ZNF292: variants seen among roughly 807,000 people sequenced by gnomAD.
ZNF292 encodes the protein 16 zinc-finger domain protein.
A neutral mutation model predicts 217.9 loss-of-function variants in ZNF292; 26 were observed. That is an observed-to-expected ratio of 0.12 (90% CI 0.09 to 0.17). ZNF292 has a LOEUF of 0.17. ZNF292 is among the 10% of genes least tolerant of loss of function. ZNF292 has a pLI of 1.00. For synonymous variants in ZNF292, 1,257 were observed against 1,124.1 expected (o/e 1.12, Z -2.37); for missense variants, 2,904 against 3,175.2 (o/e 0.91, Z 2.05).
At position 87,260,597 on chromosome 6, in the gene ZNF292, G is replaced by A. The variant is rs757019951; in HGVS notation, c.6968G>A (p.Cys2323Tyr). The A allele has an allele frequency of 5.0e-6, 8 of 1,612,970 alleles. No homozygotes were observed. In the South Asian group the frequency reaches 7.7e-5, roughly 16 times the overall value. ...CATCGGGGGACCAAGCACAGCAGATGTGGAAAGGAAGGAATAAAAATGCCC... is the reference window on the plus strand; with the variant it reads ...CATCGGGGGACCAAGCACAGCAGATATGGAAAGGAAGGAATAAAAATGCCC... ...SKHRGTKHSR[C>Y]GKEGIKMPKT... The change falls in exon 8 of 8, where the codon TGT becomes TAT. Residue 2323 changes from cysteine (C) to tyrosine (Y), a missense_variant. Physicochemically the swap from Cys to Tyr is radical, Grantham distance 194. Around this residue, in one of 15 missense-constraint regions of ZNF292, gnomAD observed 101 missense variants for 89.5 expected, o/e 1.13. Transcript: ENST00000369577.
In ZNF292 at chr6:87,258,788, C is replaced by T. The variant is rs1377458989; in HGVS notation, c.5159C>T (p.Thr1720Ile). The T allele has an allele frequency of 1.2e-6, 2 of 1,613,260 alleles. No homozygotes were observed. The highest frequency in any genetic ancestry group is 2.7e-5 in the African/African-American group (2 of 74,912). Reference sequence around the variant, plus strand: ...TCCCATACAGTGTTAGCCCCTTTAACATTAAAAACTGAAAATGGTGATTCC... The same window carrying T: ...TCCCATACAGTGTTAGCCCCTTTAATATTAAAAACTGAAAATGGTGATTCC... ...LESHTVLAPLTLKTENGDSQM... is the reference protein window; with the variant it reads ...LESHTVLAPLILKTENGDSQM... Residue 1720 changes from threonine (T) to isoleucine (I), a missense_variant, in exon 8 of 8, where the codon ACA (threonine) becomes ATA (isoleucine). Around this residue, in one of 15 missense-constraint regions of ZNF292, gnomAD observed 622 missense variants for 573.1 expected, o/e 1.09. Transcript: ENST00000369577.
intron 1 of ZNF292, among the ~76,000 whole-genome samples, chr6:87,190,010 A>T (rs1204864816): frequency 6.6e-6 from 1 of 152,114 alleles, no homozygotes; most frequent in Non-Finnish European, 1.5e-5. Context: ...ATCCAACACC[A>T]CTTTATTTTG....
chr6:87,222,913 C>T (rs1414290264), intron 4 of ZNF292: 1 of 437,086 alleles, frequency 2.3e-6, no homozygotes, highest in Non-Finnish European at 4.6e-6. Flanking sequence ...TAGAGTGTCC[C>T]TCAATTGAGA....
At chr6:87,222,491 G>A (rs1466558792) in intron 4 of ZNF292, among the ~76,000 whole-genome samples, 1 of 151,744 alleles carries the variant, frequency 6.6e-6, no homozygotes, top group African/African-American at 2.4e-5. Context: ...ACAAATGTTT[G>A]GCTAAAGTTC....
At chr6:87,249,005 C>A (rs986452194) in intron 7 of ZNF292, among the ~76,000 whole-genome samples, 1 of 152,178 alleles carries the variant, frequency 6.6e-6, no homozygotes, top group South Asian at 2.1e-4. Context: ...ACTAATAGTT[C>A]TGTTGGGTAA....
At position 87,257,890 on chromosome 6, in the gene ZNF292, C is replaced by T. The variant is rs772243884; in HGVS notation, c.4261C>T (p.Leu1421Phe). ...TCTACAGAGTAATGGACAGCCTTCT[C>T]TTCTTGCCAGCATGATTCTCTCCAC... is the stretch of plus-strand genomic sequence containing the variant. ...ELLQSNGQPS[L>F]LASMILSTNA... Residue 1421 changes from leucine (L) to phenylalanine (F), a missense_variant, in exon 8 of 8, where the codon CTT becomes TTT. Leu to Phe is a conservative substitution (Grantham distance 22). Around this residue, in one of 15 missense-constraint regions of ZNF292, gnomAD observed 622 missense variants for 573.1 expected, o/e 1.09. Coordinates refer to ENST00000369577, the MANE Select transcript of ZNF292 (RefSeq NM_015021.3). 3 of 1,613,772 alleles carry T rather than the reference C, an allele frequency of 1.9e-6. No individual in the cohort carries two copies. Among genetic ancestry groups the T allele is most frequent in the South Asian group, 2.2e-5 (2 of 91,084 alleles).
At position 87,259,022 on chromosome 6, in the gene ZNF292, T is replaced by G. The variant is rs753177332; in HGVS notation, c.5393T>G (p.Val1798Gly). ...AATTATAACATTCAGCTTCCTTCAGTAAACACTGTGCAAAATAACAAATTA... is the reference window on the plus strand; with the variant it reads ...AATTATAACATTCAGCTTCCTTCAGGAAACACTGTGCAAAATAACAAATTA... The part of the protein sequence containing the change: ...QINYNIQLPS[V>G]NTVQNNKLPD... The change falls in exon 8 of 8, where the codon GTA becomes GGA. Residue 1798 changes from valine (V) to glycine (G), a missense_variant. This residue lies in a region of ZNF292 where 622 missense variants were observed against 573.1 expected (regional missense o/e 1.09). Coordinates refer to ENST00000369577, the MANE Select transcript of ZNF292 (RefSeq NM_015021.3). 3 of 1,613,584 alleles carry G rather than the reference T, an allele frequency of 1.9e-6. No homozygotes were observed. In the Admixed American group the frequency reaches 5.0e-5, roughly 27 times the overall value.
chr6:87,255,227 G>A lies in ZNF292; in HGVS notation c.1598G>A (p.Arg533Gln), dbSNP rs1011646588. ...AGAGAGAGGGGATTTATATCTGCTC[G>A]GTTTAGGAATTGGCAAGCCTACATG... is the stretch of plus-strand genomic sequence containing the variant. Reference protein sequence around the residue: ...QLRERGFISARFRNWQAYMQY... With the variant: ...QLRERGFISAQFRNWQAYMQY... Residue 533 changes from arginine to glutamine, a missense_variant, in exon 8 of 8, where the codon CGG becomes CAG. Arg to Gln is a conservative substitution (Grantham distance 43). This residue lies in a region of ZNF292 where 87 missense variants were observed against 99.6 expected (regional missense o/e 0.87). Transcript: ENST00000369577. The A allele has an allele frequency of 2.5e-6, 4 of 1,613,714 alleles. No individual in the cohort carries two copies. The highest frequency in any genetic ancestry group is 2.2e-5 in the East Asian group (1 of 44,876).
chr6:87,175,961 G>GT (rs1455110168), intron 1 of ZNF292, among the ~76,000 whole-genome samples: 5 of 151,976 alleles, frequency 3.3e-5, no homozygotes, highest in African/African-American at 1.2e-4. Context: ...CTGGTTCTAC[G>GT]TTTGTGACTG....
chr6:87,252,195 A>G (rs1306852488), intron 7 of ZNF292, among the ~76,000 whole-genome samples: 6 of 151,150 alleles, frequency 4.0e-5, no homozygotes, highest in Non-Finnish European at 5.9e-5. Context: ...CTCGTTGCCC[A>G]GGCTGGAGTG....
chr6:87,207,385 C>A (rs1475502644), intron 1 of ZNF292, among the ~76,000 whole-genome samples: 1 of 152,100 alleles, frequency 6.6e-6, no homozygotes, highest in African/African-American at 2.4e-5. Flanking sequence ...TCTAAGTATT[C>A]TCTGATTTCT....
At chr6:87,239,237 C>T (rs1774075857) in intron 5 of ZNF292, among the ~76,000 whole-genome samples, 1 of 152,200 alleles carries the variant, frequency 6.6e-6, no homozygotes, top group Non-Finnish European at 1.5e-5. Flanking sequence ...AGGGGCTCCT[C>T]AATTCCCAGA....
At chr6:87,176,514 G>A (rs1056158210) in intron 1 of ZNF292, among the ~76,000 whole-genome samples, 14 of 152,294 alleles carry the variant, frequency 9.2e-5, no homozygotes, top group Admixed American at 9.1e-4. Context: ...CTGTTTCAGG[G>A]GAGAAGGGTG....
chr6:87,256,214 C>T lies in ZNF292; in HGVS notation c.2585C>T (p.Ala862Val), dbSNP rs745990060. 8 of 1,613,706 alleles carry T rather than the reference C, an allele frequency of 5.0e-6. No homozygotes were observed. In the South Asian group the frequency reaches 6.6e-5, roughly 13 times the overall value. Reference protein sequence around the residue: ...IQPSEVNQNTAENIEKERSML... With the variant: ...IQPSEVNQNTVENIEKERSML... ...CCTTCTGAAGTGAATCAGAACACAG[C>T]AGAGAATATTGAGAAAGAAAGATCT... Residue 862 changes from alanine to valine, a missense_variant, in exon 8 of 8, where the codon GCA becomes GTA. By Grantham distance (64) the Ala-to-Val change is moderately conservative (BLOSUM62 0). Coordinates refer to ENST00000369577, the MANE Select transcript of ZNF292 (RefSeq NM_015021.3).
intron 1 of ZNF292, 68 bp downstream of exon 1, chr6:87,155,827 GGCGGCCGAGAGGTGGTC>G (rs1269787442): frequency 1.8e-5 from 26 of 1,467,816 alleles, no homozygotes; most frequent in Non-Finnish European, 2.3e-5. Context: ...GCGAGCGCTA[GGCGGCCGAGAGGTGGTC>G]GCCGCTTCCT....
intron 1 of ZNF292, among the ~76,000 whole-genome samples, chr6:87,177,592 G>C (rs1020694405): frequency 6.6e-6 from 1 of 152,062 alleles, no homozygotes; most frequent in Non-Finnish European, 1.5e-5. Context: ...AAGATTATTA[G>C]TTATCCTTCC....
chr6:87,163,650 G>GC (rs1770824902), intron 1 of ZNF292, among the ~76,000 whole-genome samples: 1 of 152,146 alleles, frequency 6.6e-6, no homozygotes, highest in Non-Finnish European at 1.5e-5. Flanking sequence ...AGATAGTAAG[G>GC]CATCTAGTGG....
chr6:87,189,475 C>G (rs964158366), intron 1 of ZNF292, among the ~76,000 whole-genome samples: 1 of 151,818 alleles, frequency 6.6e-6, no homozygotes, highest in Admixed American at 6.6e-5. Flanking sequence ...GTTCCAGAAT[C>G]CCATCTAGGA....
rs545640986 is a variant in ZNF292 at position 87,242,147 on chromosome 6, A to G, written c.742-1328A>G. On this transcript the variant is annotated intron_variant, in intron 5 of 7. Transcript: ENST00000369577. ...TTAAATCTTTACTTTATAAATATAT[A>G]TCCTTCGGTCTTTTTTTATTTGCTT... Among the ~76,000 whole-genome samples the G allele has an allele frequency of 9.8e-5, 15 of 152,336 alleles. No individual in the cohort carries two copies. In the South Asian group the frequency reaches 2.9e-3, roughly 29 times the overall value.
Sources: allele counts gnomAD v4.1 joint callset (sites outside exome capture counted in the v4.1 genomes callset), GRCh38; gene constraint gnomAD v4.1.1; regional missense constraint gnomAD v4.1.1; transcripts MANE v1.5; gene names NCBI Gene and HGNC (gene_info 2026-07-23, HGNC 2026-07-21).